MARCHF1: variants seen among roughly 807,000 people sequenced by gnomAD.
The protein encoded by MARCHF1 is membrane associated ring-CH-type finger 1, also known as E3 ubiquitin-protein ligase MARCHF1.
A neutral mutation model predicts 54.2 loss-of-function variants in MARCHF1; 40 were observed. The ratio of observed to expected loss-of-function variants is 0.74; its 90% confidence interval spans 0.57 to 0.96. The LOEUF (loss-of-function observed/expected upper bound fraction) is 0.96, where lower values mean the gene tolerates loss of function less well. MARCHF1 is among the 40% of genes least tolerant of loss of function. The pLI, the probability that MARCHF1 is intolerant of heterozygous loss-of-function variation, is 0.00. For synonymous variants in MARCHF1, 236 were observed against 236.3 expected (o/e 1.00, Z 0.01); for missense variants, 586 against 656.5 (o/e 0.89, Z 1.17).
At chr4:164,207,990 A>G (rs1486433955) in intron 1 of MARCHF1, among the ~76,000 whole-genome samples, 1 of 152,182 alleles carries the variant, frequency 6.6e-6, no homozygotes, top group Non-Finnish European at 1.5e-5. Context: ...AAAAAAAACC[A>G]AAAAACCTCA....
intron 9 of MARCHF1, among the ~76,000 whole-genome samples, chr4:163,544,522 G>A (rs547156682): frequency 4.7e-4 from 72 of 152,142 alleles, no homozygotes; most frequent in African/African-American, 1.6e-3. Context: ...CTTTATCCCC[G>A]CAGCCCCTTT....
chr4:163,885,424 C>T (rs1025754202), intron 3 of MARCHF1, among the ~76,000 whole-genome samples: 14 of 152,010 alleles, frequency 9.2e-5, no homozygotes, highest in African/African-American at 1.4e-4. Context: ...ATACAAGGTA[C>T]AACTCATAGG....
chr4:164,214,865 G>A lies in MARCHF1; in HGVS notation c.-322-103203C>T, dbSNP rs148869980. Among the ~76,000 whole-genome samples, 40 of 152,176 alleles carry A rather than the reference G, an allele frequency of 2.6e-4. 2 individuals are homozygous for A. The East Asian group carries it at 7.0e-3, about 27-fold the overall frequency. On this transcript the variant is annotated intron_variant, in intron 1 of 9. Transcript: ENST00000514618. ...CCATCTGACACTTGAAATTGAAACG[G>A]GAAAAGTTCCCTTGTCCCCCTTGCA...
chr4:163,671,641 T>C (rs996944649), intron 5 of MARCHF1, among the ~76,000 whole-genome samples: 7 of 152,220 alleles, frequency 4.6e-5, no homozygotes, highest in South Asian at 4.1e-4. Flanking sequence ...TAATTCCTTA[T>C]GCTATATTTT....
intron 7 of MARCHF1, among the ~76,000 whole-genome samples, chr4:163,608,096 G>T (rs189351764): frequency 6.6e-6 from 1 of 152,180 alleles, no homozygotes; most frequent in Non-Finnish European, 1.5e-5. Context: ...TATCTGCCAG[G>T]CATTGTTCCA....
intron 1 of MARCHF1, among the ~76,000 whole-genome samples, chr4:164,292,176 T>C (rs762159074): frequency 1.3e-5 from 2 of 152,160 alleles, no homozygotes; most frequent in African/African-American, 2.4e-5. Flanking sequence ...CCTATATCTA[T>C]AAAAAGGGCT....
chr4:164,276,069 T>C (rs1382784121), intron 1 of MARCHF1, among the ~76,000 whole-genome samples: 1 of 152,198 alleles, frequency 6.6e-6, no homozygotes, highest in Non-Finnish European at 1.5e-5. Flanking sequence ...ATTTCTTCTT[T>C]TCATATTTTT....
intron 2 of MARCHF1, among the ~76,000 whole-genome samples, chr4:164,061,306 C>T (rs1754609880): frequency 6.6e-6 from 1 of 151,556 alleles, no homozygotes. Flanking sequence ...TTACAGCTTT[C>T]CCCACTTTTA....
At chr4:163,687,166 G>C (rs1398772649) in intron 5 of MARCHF1, among the ~76,000 whole-genome samples, 1 of 151,788 alleles carries the variant, frequency 6.6e-6, no homozygotes, top group South Asian at 2.1e-4. Context: ...ATGGAACTGT[G>C]ATCATCGAGT....
chr4:163,917,082 T>C (rs994048004), intron 3 of MARCHF1, among the ~76,000 whole-genome samples: 6 of 152,190 alleles, frequency 3.9e-5, no homozygotes, highest in Admixed American at 1.3e-4. Context: ...GAATGTTCTA[T>C]GTGTGGAATC....
chr4:164,013,373 G>A (rs7681897), intron 2 of MARCHF1, among the ~76,000 whole-genome samples: 149,363 of 152,154 alleles, frequency 0.98, 73,375 homozygotes, highest in East Asian at 1. Context: ...AAAAAGGATA[G>A]AAGGAGAATA....
chr4:164,240,939 G>A (rs10027539), intron 1 of MARCHF1, among the ~76,000 whole-genome samples: 3,061 of 152,194 alleles, frequency 0.02, 105 homozygotes, highest in African/African-American at 0.07. Context: ...ATAACCAGCC[G>A]TTCTTCCCTA....
intron 1 of MARCHF1, among the ~76,000 whole-genome samples, chr4:164,160,712 T>C (rs1030378275): frequency 1.3e-5 from 2 of 152,206 alleles, no homozygotes; most frequent in African/African-American, 4.8e-5. Flanking sequence ...GTGCTTTCTC[T>C]TTCTCTCATT....
At chr4:163,905,667 C>A (rs573839993) in intron 3 of MARCHF1, among the ~76,000 whole-genome samples, 2 of 152,020 alleles carry the variant, frequency 1.3e-5, no homozygotes, top group Admixed American at 6.6e-5. Context: ...CAGATTTAGG[C>A]AACCTGTGTT....
At chr4:164,014,473 G>A (rs1235194631) in intron 2 of MARCHF1, among the ~76,000 whole-genome samples, 1 of 152,038 alleles carries the variant, frequency 6.6e-6, no homozygotes, top group Non-Finnish European at 1.5e-5. Context: ...AAGAAGACAG[G>A]AAGGAAGGAA....
At chr4:163,659,859 C>A (rs147216062) in intron 5 of MARCHF1, among the ~76,000 whole-genome samples, 2,546 of 152,190 alleles carry the variant, frequency 0.017, 47 homozygotes, top group South Asian at 0.047. Flanking sequence ...GATACCATCT[C>A]GCACCAGTCA....
intron 1 of MARCHF1, among the ~76,000 whole-genome samples, chr4:164,199,689 G>C (rs62347978): frequency 0.016 from 1,204 of 75,250 alleles, 7 homozygotes; most frequent in Non-Finnish European, 0.024. Flanking sequence ...CACAGAGAGA[G>C]AGAGAGAGAG....
chr4:164,143,684 G>A (rs1036563013), intron 1 of MARCHF1, among the ~76,000 whole-genome samples: 4 of 152,260 alleles, frequency 2.6e-5, no homozygotes, highest in East Asian at 1.9e-4. Flanking sequence ...GCTAAACATG[G>A]AAAGGAACAA....
intron 3 of MARCHF1, 130 bp from the exon 4 acceptor site, chr4:163,854,299 T>C: frequency 1.6e-6 from 1 of 636,552 alleles, no homozygotes; most frequent in Non-Finnish European, 2.6e-6. Flanking sequence ...AACCAGGGGT[T>C]ACAAGGAGGA....
Sources: allele counts gnomAD v4.1 joint callset (sites outside exome capture counted in the v4.1 genomes callset), GRCh38; gene constraint gnomAD v4.1.1; transcripts MANE v1.5; gene names NCBI Gene and HGNC (gene_info 2026-07-23, HGNC 2026-07-21).